FBXW11: variants seen among roughly 807,000 people sequenced by gnomAD.
FBXW11 encodes F-box and WD repeat domain containing 11.
Under a neutral mutation model 77.6 loss-of-function variants are expected in FBXW11, and 19 were observed. The ratio of observed to expected loss-of-function variants is 0.24; its 90% CI spans 0.17 to 0.36. The LOEUF is 0.36. Ranked by LOEUF, FBXW11 falls within the 10% of genes least tolerant of loss-of-function variation. The pLI is 1.00. For synonymous variants in FBXW11, 235 were observed against 249.4 expected (o/e 0.94, Z 0.54); for missense variants, 334 against 704.2 (o/e 0.47, Z 5.95).
intron 2 of FBXW11, chr5:171,916,318 A>T: frequency 3.4e-6 from 1 of 298,374 alleles, no homozygotes; most frequent in South Asian, 1.3e-4. Context: ...CTAATTTCAG[A>T]GATTTTGACA....
At chr5:171,992,488 G>A (rs1296720602) in intron 1 of FBXW11, among the ~76,000 whole-genome samples, 1 of 150,502 alleles carries the variant, frequency 6.6e-6, no homozygotes, top group Admixed American at 6.6e-5. Context: ...GGAAAGAAAG[G>A]AAGAAAGAAA....
intron 6 of FBXW11, among the ~76,000 whole-genome samples, chr5:171,893,439 A>C (rs1424087277): frequency 6.7e-6 from 1 of 148,908 alleles, no homozygotes; most frequent in Non-Finnish European, 1.5e-5. Context: ...AAAAAAAAAA[A>C]AAAAAAAACT....
At position 171,902,971 on chromosome 5, in the gene FBXW11, T is replaced by C. The variant is rs150098426; in HGVS notation, c.437-2871A>G. 3.4e-4 allele frequency among the ~76,000 whole-genome samples: 52 copies of C among 152,358 alleles called. No homozygotes were observed. In the East Asian group the frequency reaches 9.4e-3, roughly 28 times the overall value. ...CTTTCTATTATCACTATACTATCTA[T>C]TCTAAGCACACTATCCCTTCATCCT... On this transcript the variant is annotated intron_variant, in intron 4 of 13. Transcript: ENST00000517395.
intron 2 of FBXW11, among the ~76,000 whole-genome samples, chr5:171,955,712 C>CA (rs772977150): frequency 2.7e-4 from 41 of 151,948 alleles, no homozygotes; most frequent in Admixed American, 1.5e-3. Flanking sequence ...ATGCTGCATA[C>CA]CCTCAATTAT....
intron 6 of FBXW11, among the ~76,000 whole-genome samples, chr5:171,897,031 C>T (rs1033050979): frequency 6.6e-6 from 1 of 152,074 alleles, no homozygotes; most frequent in African/African-American, 2.4e-5. Context: ...GTTAAAAACT[C>T]GTATTAAGGG....
intron 1 of FBXW11, among the ~76,000 whole-genome samples, chr5:171,983,235 G>T (rs1765247830): frequency 1.3e-5 from 2 of 152,108 alleles, no homozygotes; most frequent in African/African-American, 4.8e-5. Context: ...CTAGACAGAT[G>T]AACAGGTGGA....
intron 3 of FBXW11, among the ~76,000 whole-genome samples, chr5:171,912,959 A>T (rs1257117820): frequency 6.6e-6 from 1 of 152,170 alleles, no homozygotes; most frequent in East Asian, 1.9e-4. Context: ...CTTATGAAAT[A>T]ATATCAAGAA....
At chr5:171,987,474 G>T (rs553894042) in intron 1 of FBXW11, among the ~76,000 whole-genome samples, 210 of 151,788 alleles carry the variant, frequency 1.4e-3, no homozygotes, top group African/African-American at 4.9e-3. Context: ...TTTTTGAGGC[G>T]GAGTGCCACT....
chr5:171,920,203 A>G (rs947598264), intron 2 of FBXW11, among the ~76,000 whole-genome samples: 2 of 152,024 alleles, frequency 1.3e-5, no homozygotes, highest in African/African-American at 4.8e-5. Context: ...ACACAGGCAC[A>G]GTTACTCTGT....
chr5:171,946,328 G>A (rs1173783537), intron 2 of FBXW11, among the ~76,000 whole-genome samples: 2 of 152,068 alleles, frequency 1.3e-5, no homozygotes, highest in Non-Finnish European at 2.9e-5. Context: ...CCCTGCTTCC[G>A]CCTCTTCTTT....
chr5:171,910,925 A>C, intron 3 of FBXW11, 128 bp from the exon 4 acceptor site: 6 of 621,174 alleles, frequency 9.7e-6, no homozygotes, highest in East Asian at 2.9e-5. Flanking sequence ...AGCCAAACTC[A>C]TTCCTTTACT....
At chr5:171,984,088 T>C (rs540438497) in intron 1 of FBXW11, among the ~76,000 whole-genome samples, 2 of 152,074 alleles carry the variant, frequency 1.3e-5, no homozygotes, top group East Asian at 3.9e-4. Flanking sequence ...TATAATCCTA[T>C]TTACATAAAT....
At chr5:171,871,069 C>G (rs1162336357) in intron 10 of FBXW11, among the ~76,000 whole-genome samples, 1 of 152,168 alleles carries the variant, frequency 6.6e-6, no homozygotes, top group Non-Finnish European at 1.5e-5. Context: ...TAGGAAGAAG[C>G]CTTACTTTTT....
At chr5:171,966,820 A>C (rs935724072) in intron 1 of FBXW11, among the ~76,000 whole-genome samples, 3 of 152,212 alleles carry the variant, frequency 2.0e-5, no homozygotes, top group African/African-American at 7.2e-5. Flanking sequence ...GAAAATTAAC[A>C]AAGAAGGATA....
chr5:171,863,648 A>C lies in FBXW11; in HGVS notation c.*479T>G, dbSNP rs1757215359. ...ATTCATAATGACTTGGACGGTCAAA[A>C]GGAGAATGCTAACTTTTGAAAATGA... On this transcript the variant is annotated 3_prime_UTR_variant, in exon 14 of 14. Coordinates refer to ENST00000517395, the MANE Select transcript of FBXW11 (RefSeq NM_001378974.1). 6.6e-6 allele frequency: 1 copy of C among 152,654 alleles called. No homozygotes were observed. The highest frequency in any genetic ancestry group is 6.5e-5 in the Admixed American group (1 of 15,282). 9.5% of individuals were successfully genotyped at this position (152,654 alleles called of 1,614,324 possible). A position where few individuals can be genotyped will look rare whatever the true frequency, so the allele number is the denominator to read the frequency against.
At chr5:171,934,844 A>AG (rs1477205489) in intron 2 of FBXW11, among the ~76,000 whole-genome samples, 1 of 152,208 alleles carries the variant, frequency 6.6e-6, no homozygotes, top group Non-Finnish European at 1.5e-5. Flanking sequence ...GAGTTTCTAA[A>AG]GAAAAAAATA....
intron 1 of FBXW11, among the ~76,000 whole-genome samples, chr5:172,004,717 T>C (rs1258460738): frequency 6.6e-6 from 1 of 152,192 alleles, no homozygotes; most frequent in East Asian, 1.9e-4. Flanking sequence ...CTTAAGAATA[T>C]GTAATATACT....
At chr5:171,941,684 A>G (rs977385412) in intron 2 of FBXW11, among the ~76,000 whole-genome samples, 1 of 151,900 alleles carries the variant, frequency 6.6e-6, no homozygotes, top group Non-Finnish European at 1.5e-5. Context: ...TGTTATACTA[A>G]TAACTTTTCT....
intron 2 of FBXW11, among the ~76,000 whole-genome samples, chr5:171,944,832 A>G (rs1762927488): frequency 6.6e-6 from 1 of 152,212 alleles, no homozygotes; most frequent in African/African-American, 2.4e-5. Context: ...ACAGAATTCA[A>G]AGAAAGAAGT....
Sources: allele counts gnomAD v4.1 joint callset (sites outside exome capture counted in the v4.1 genomes callset), GRCh38; gene constraint gnomAD v4.1.1; transcripts MANE v1.5; gene names NCBI Gene and HGNC (gene_info 2026-07-23, HGNC 2026-07-21).